NSD3: variants seen among roughly 807,000 people sequenced by gnomAD.
NSD3 encodes nuclear receptor binding SET domain protein 3.
A neutral mutation model predicts 160.8 loss-of-function variants in NSD3; 24 were observed. The observed-to-expected ratio is 0.15, with a 90% CI of 0.11 to 0.21. The LOEUF is 0.21. NSD3 is among the 10% of genes least tolerant of loss of function. NSD3 has a pLI of 1.00. For missense variants in NSD3, 1,157 were observed against 1,735.9 expected (o/e 0.67, Z 5.93); for synonymous variants, 520 against 600.0 (o/e 0.87, Z 1.95).
At chr8:38,344,579 A>G (rs1810467646) in intron 2 of NSD3, among the ~76,000 whole-genome samples, 1 of 152,140 alleles carries the variant, frequency 6.6e-6, no homozygotes, top group Non-Finnish European at 1.5e-5. Flanking sequence ...GGACTTAAAC[A>G]TGGAACTCAA....
At chr8:38,371,302 A>C (rs932657376) in intron 1 of NSD3, among the ~76,000 whole-genome samples, 2 of 152,184 alleles carry the variant, frequency 1.3e-5, no homozygotes, top group African/African-American at 4.8e-5. Context: ...CAATCCTTAC[A>C]TAAATGTTAT....
In NSD3 at chr8:38,377,537, G is replaced by A. The variant is rs544773344; in HGVS notation, c.-45+4262C>T. ...TAATTTTTGTATTTTTAGTAGAGAT[G>A]GGTGTTTCGTCATGTTGGCCAGACT... On this transcript the variant is annotated intron_variant, in intron 1 of 23. Coordinates refer to ENST00000317025, the MANE Select transcript of NSD3 (RefSeq NM_023034.2). 1.1e-4 allele frequency among the ~76,000 whole-genome samples: 16 copies of A among 151,896 alleles called. No homozygotes were observed. The South Asian group carries it at 3.3e-3, about 32-fold the overall frequency.
chr8:38,319,689 GT>G lies in NSD3; in HGVS notation c.1810-750del, dbSNP rs1195131951. On this transcript the variant is annotated intron_variant, in intron 8 of 23. Coordinates refer to ENST00000317025, the MANE Select transcript of NSD3 (RefSeq NM_023034.2). This position sits in a 1 kb window ranked among gnomAD's most constrained non-coding sequence, Gnocchi z 4.1. ...GTTTAAGCTATAAATTGAATTTCAT[GT>G]TTCTTTAAGATGTGGTGAAATATGA... 1 of 152,048 alleles carries G rather than the reference GT, an allele frequency of 6.6e-6. No homozygotes were observed. The highest frequency in any genetic ancestry group is 1.5e-5 in the Non-Finnish European group (1 of 68,006). The allele number at this position is 152,048 out of a possible 1,614,324, so 9.4% of individuals were successfully genotyped here.
At chr8:38,278,678 G>T (rs887977811) in intron 21 of NSD3, among the ~76,000 whole-genome samples, 1 of 152,188 alleles carries the variant, frequency 6.6e-6, no homozygotes, top group Non-Finnish European at 1.5e-5. Context: ...AAGTGATAGG[G>T]TCTAAGAATC....
intron 7 of NSD3, among the ~76,000 whole-genome samples, chr8:38,322,551 T>A (rs930803436): frequency 8.5e-5 from 13 of 152,222 alleles, no homozygotes; most frequent in Admixed American, 2.6e-4. Context: ...GAGGGTAATA[T>A]AATCACACCA....
intron 19 of NSD3, among the ~76,000 whole-genome samples, chr8:38,287,080 T>C (rs1011291443): frequency 6.6e-6 from 1 of 152,240 alleles, no homozygotes; most frequent in Non-Finnish European, 1.5e-5. Flanking sequence ...GAATAATACC[T>C]GCCACATAGG....
Position 38,331,719 on chromosome 8 carries a change from T to C in NSD3, c.911-134A>G, listed in dbSNP as rs992108250. ...TGTATGTTTGGATTGTCCAAAGATATGTTCCAATACCCACCAGTTATAGAA... is the reference window on the plus strand; with the variant it reads ...TGTATGTTTGGATTGTCCAAAGATACGTTCCAATACCCACCAGTTATAGAA... On this transcript the variant is annotated intron_variant, in intron 4 of 23. Coordinates refer to ENST00000317025, the MANE Select transcript of NSD3 (RefSeq NM_023034.2). 1.6e-5 allele frequency: 14 copies of C among 867,606 alleles called. No homozygotes were observed. In the African/African-American group the frequency reaches 2.0e-4, roughly 13 times the overall value. 53.7% of individuals were successfully genotyped at this position (867,606 alleles called of 1,614,324 possible). A position where few individuals can be genotyped will look rare whatever the true frequency, so the allele number is the denominator to read the frequency against.
At chr8:38,293,648 C>CTCTAAAAT (rs1809061474) in intron 16 of NSD3, among the ~76,000 whole-genome samples, 1 of 150,950 alleles carries the variant, frequency 6.6e-6, no homozygotes, top group African/African-American at 2.4e-5. Context: ...TAGAGCCGGG[C>CTCTAAAAT]ACAGTGGCTC....
At position 38,348,197 on chromosome 8, in the gene NSD3, T is replaced by C; in HGVS notation, c.-26A>G. The C allele has an allele frequency of 6.5e-7, 1 of 1,532,084 alleles. No homozygotes were observed. 94.9% of individuals were successfully genotyped at this position (1,532,084 alleles called of 1,614,324 possible). ...TGTTCTGCTCCAGCATCCTTAACTT[T>C]CCCTTTCTCTCATCGGGCCTAAAAT... On this transcript the variant is annotated 5_prime_UTR_variant, in exon 2 of 24. Coordinates refer to ENST00000317025, the MANE Select transcript of NSD3 (RefSeq NM_023034.2).
At chr8:38,296,890 T>C (rs1809162794) in intron 15 of NSD3, among the ~76,000 whole-genome samples, 1 of 152,126 alleles carries the variant, frequency 6.6e-6, no homozygotes, top group Admixed American at 6.5e-5. Flanking sequence ...ATCTGCATTT[T>C]AAAAGTAACA....
chr8:38,350,995 GGA>G (rs1455618138), intron 1 of NSD3, among the ~76,000 whole-genome samples: 1 of 135,616 alleles, frequency 7.4e-6, no homozygotes, highest in African/African-American at 2.8e-5. Context: ...TTTTTGAGAT[GGA>G]GTCTTGCTCT....
chr8:38,348,328 T>C (rs1310571729), intron 1 of NSD3, 113 bp from the exon 2 acceptor site: 1 of 713,444 alleles, frequency 1.4e-6, no homozygotes, highest in African/African-American at 1.8e-5. Flanking sequence ...CATATCCAGA[T>C]ATGCATAGAC....
chr8:38,359,258 C>T (rs1452766225), intron 1 of NSD3, among the ~76,000 whole-genome samples: 1 of 152,048 alleles, frequency 6.6e-6, no homozygotes, highest in Admixed American at 6.6e-5. Context: ...ACTGCAAGCC[C>T]CTCATCCCTT....
chr8:38,336,030 T>C lies in NSD3; in HGVS notation c.910+1275A>G, dbSNP rs555110511. The stretch of plus-strand genomic sequence containing the variant: ...AATGGTTGAGCCAGATGGCCTTCTA[T>C]ACTGGGAGAGATTCTTGGTTATGCA... On this transcript the variant is annotated intron_variant, in intron 4 of 23. Transcript: ENST00000317025. 3 of 152,360 alleles carry C rather than the reference T, an allele frequency of 2.0e-5. No individual in the cohort carries two copies. In the South Asian group the frequency reaches 6.2e-4, roughly 32 times the overall value. 9.4% of individuals were successfully genotyped at this position (152,360 alleles called of 1,614,324 possible).
chr8:38,319,500 G>C lies in NSD3; in HGVS notation c.1810-560C>G, dbSNP rs1386754002. ...TACAAACTTAAGAAAATAAGTTTGT[G>C]ATATTGCAAAAGCACTTTCTTGAGT... On this transcript the variant is annotated intron_variant, in intron 8 of 23. Coordinates refer to ENST00000317025, the MANE Select transcript of NSD3 (RefSeq NM_023034.2). This position sits in a 1 kb window ranked among gnomAD's most constrained non-coding sequence, Gnocchi z 4.1. Among the ~76,000 whole-genome samples the C allele has an allele frequency of 6.6e-6, 1 of 152,142 alleles. No homozygotes were observed. Among genetic ancestry groups the C allele is most frequent in the Non-Finnish European group, 1.5e-5 (1 of 68,022 alleles).
chr8:38,278,972 TTTCTC>T (rs761929511), intron 21 of NSD3, among the ~76,000 whole-genome samples: 10 of 152,226 alleles, frequency 6.6e-5, no homozygotes, highest in Non-Finnish European at 1.3e-4. Flanking sequence ...AGCTATAACA[TTTCTC>T]TTCTCACCAA....
chr8:38,304,445 G>T (rs1381366074), intron 14 of NSD3, 142 bp downstream of exon 14: 4 of 649,812 alleles, frequency 6.2e-6, no homozygotes, highest in Non-Finnish European at 9.9e-6. Flanking sequence ...TCTCTCTCAG[G>T]GATATATTAC....
At chr8:38,306,407 G>T (rs1441144616) in intron 12 of NSD3, among the ~76,000 whole-genome samples, 1 of 151,888 alleles carries the variant, frequency 6.6e-6, no homozygotes, top group Non-Finnish European at 1.5e-5. Context: ...ACTATAATTG[G>T]AAATCTTTCA....
At chr8:38,371,880 T>C (rs564446918) in intron 1 of NSD3, among the ~76,000 whole-genome samples, 1 of 152,218 alleles carries the variant, frequency 6.6e-6, no homozygotes, top group Non-Finnish European at 1.5e-5. Context: ...GCTATCCTAA[T>C]CCTCAAAAAT....
Sources: gnomAD v4.1 joint callset for allele counts (sites outside exome capture counted in the v4.1 genomes callset) on GRCh38, gnomAD v4.1.1 for gene constraint, Gnocchi (gnomAD v3.1) non-coding constraint, MANE v1.5 for transcripts, NCBI Gene and HGNC (gene_info 2026-07-23, HGNC 2026-07-21) for gene names.